FAM13C: variants seen among roughly 807,000 people sequenced by gnomAD.
FAM13C encodes protein FAM13C.
Under a neutral mutation model 73.2 loss-of-function variants are expected in FAM13C, and 37 were observed. That is an observed-to-expected ratio of 0.51 (90% CI 0.39 to 0.67). The LOEUF (loss-of-function observed/expected upper bound fraction) is 0.67. Among genes scored for constraint, FAM13C ranks in the 30% least tolerant of loss-of-function variants. The pLI is 0.00. For missense variants in FAM13C, 589 were observed against 715.6 expected (o/e 0.82, Z 2.02); for synonymous variants, 246 against 260.9 (o/e 0.94, Z 0.55).
chr10:59,288,325 C>G (rs1828868264), intron 5 of FAM13C, among the ~76,000 whole-genome samples: 1 of 152,138 alleles, frequency 6.6e-6, no homozygotes, highest in African/African-American at 2.4e-5. Context: ...AACCCCTTCT[C>G]TACTAAAAAT....
chr10:59,248,933 C>T (rs1229308644), intron 13 of FAM13C, among the ~76,000 whole-genome samples: 1 of 152,158 alleles, frequency 6.6e-6, no homozygotes, highest in Non-Finnish European at 1.5e-5. Flanking sequence ...AATTATATAA[C>T]ATATATCTTT....
chr10:59,259,707 A>G (rs1465436999), intron 10 of FAM13C, among the ~76,000 whole-genome samples: 1 of 152,210 alleles, frequency 6.6e-6, no homozygotes, highest in African/African-American at 2.4e-5. Context: ...TATTAAACAA[A>G]ATAATAGATA....
At chr10:59,275,519 A>G (rs1844227536) in intron 6 of FAM13C, among the ~76,000 whole-genome samples, 1 of 152,226 alleles carries the variant, frequency 6.6e-6, no homozygotes, top group South Asian at 2.1e-4. Context: ...GGTATTTTTA[A>G]AGTGACTAAA....
chr10:59,246,854 C>T lies in FAM13C; in HGVS notation c.*760G>A. ...TATGGACACATTAGATTATATACTA[C>T]AGACACATATCTATCCAAAATACCT... On this transcript the variant is annotated 3_prime_UTR_variant, in exon 14 of 14. Coordinates refer to ENST00000618804, the MANE Select transcript of FAM13C (RefSeq NM_198215.4). 6 of 379,762 alleles carry T rather than the reference C, an allele frequency of 1.6e-5. No homozygotes were observed. Among genetic ancestry groups the T allele is most frequent in the African/African-American group, 6.2e-5 (3 of 48,312 alleles). The allele number at this position is 379,762 out of a possible 1,614,324, so 23.5% of individuals were successfully genotyped here. A position where few individuals can be genotyped will look rare whatever the true frequency, so the allele number is the denominator to read the frequency against.
chr10:59,305,441 G>A (rs1331766258), intron 4 of FAM13C, among the ~76,000 whole-genome samples: 1 of 152,132 alleles, frequency 6.6e-6, no homozygotes, highest in Non-Finnish European at 1.5e-5. Context: ...AGATTTGTCA[G>A]TGTTAACATT....
intron 5 of FAM13C, among the ~76,000 whole-genome samples, chr10:59,302,408 A>G (rs1847711497): frequency 6.6e-6 from 1 of 152,234 alleles, no homozygotes; most frequent in South Asian, 2.1e-4. Context: ...GTGGATAAAC[A>G]GTAAGTATGA....
intron 13 of FAM13C, among the ~76,000 whole-genome samples, chr10:59,248,851 C>T (rs1372339371): frequency 2.0e-5 from 3 of 152,014 alleles, no homozygotes; most frequent in Admixed American, 2.0e-4. Flanking sequence ...TATTTATTGC[C>T]CTGCAATTTC....
chr10:59,317,893 C>G (rs556869243), intron 4 of FAM13C, among the ~76,000 whole-genome samples: 55 of 152,106 alleles, frequency 3.6e-4, no homozygotes, highest in Non-Finnish European at 7.1e-4. Context: ...ATCCCTCCCC[C>G]CTTCCCCCAC....
intron 3 of FAM13C, among the ~76,000 whole-genome samples, chr10:59,332,581 A>T (rs372377135): frequency 2.0e-5 from 3 of 152,366 alleles, no homozygotes; most frequent in African/African-American, 7.2e-5. Flanking sequence ...TAAAAGAAAC[A>T]TTAAATATTA....
chr10:59,305,102 A>C (rs1348682968), intron 4 of FAM13C, among the ~76,000 whole-genome samples: 1 of 152,208 alleles, frequency 6.6e-6, no homozygotes, highest in East Asian at 1.9e-4. Flanking sequence ...ATGAAGCCTC[A>C]GGTATTCTGC....
chr10:59,360,499 T>A (rs1202587519), intron 1 of FAM13C, among the ~76,000 whole-genome samples: 1 of 152,104 alleles, frequency 6.6e-6, no homozygotes, highest in Non-Finnish European at 1.5e-5. Context: ...TATGTCTGTG[T>A]CTCAGGATAT....
chr10:59,348,010 T>C (rs1478949574), intron 3 of FAM13C, among the ~76,000 whole-genome samples: 1 of 152,142 alleles, frequency 6.6e-6, no homozygotes, highest in Non-Finnish European at 1.5e-5. Context: ...GTCTTTACAG[T>C]AGGATTATTT....
chr10:59,271,336 G>A (rs1011685267), intron 6 of FAM13C, among the ~76,000 whole-genome samples: 1 of 152,238 alleles, frequency 6.6e-6, no homozygotes, highest in East Asian at 1.9e-4. Context: ...TCTAGAGCTT[G>A]AAATGCAATC....
chr10:59,266,049 A>G (rs904604402), intron 8 of FAM13C, among the ~76,000 whole-genome samples: 1 of 152,212 alleles, frequency 6.6e-6, no homozygotes, highest in African/African-American at 2.4e-5. Context: ...CACATTAGAA[A>G]AATTACTGGG....
intron 3 of FAM13C, among the ~76,000 whole-genome samples, chr10:59,348,535 T>C (rs976577835): frequency 1.3e-5 from 2 of 152,232 alleles, no homozygotes; most frequent in East Asian, 3.8e-4. Context: ...TATCCACAGT[T>C]ATTTCTCTCA....
intron 2 of FAM13C, among the ~76,000 whole-genome samples, chr10:59,355,222 G>T (rs1855557565): frequency 6.6e-6 from 1 of 152,006 alleles, no homozygotes; most frequent in African/African-American, 2.4e-5. Context: ...GCATTGGTTT[G>T]TCTTTCTTCA....
At chr10:59,325,523 G>A (rs555994052) in intron 3 of FAM13C, among the ~76,000 whole-genome samples, 5 of 152,246 alleles carry the variant, frequency 3.3e-5, no homozygotes, top group East Asian at 3.9e-4. Flanking sequence ...CCTAGACTTC[G>A]TAGTTGCTTG....
rs1849414713 is a variant in FAM13C at position 59,315,445 on chromosome 10, GGTT to G, written c.443+8540_443+8542del. Among the ~76,000 whole-genome samples the G allele has an allele frequency of 4.0e-5, 6 of 148,286 alleles. No individual in the cohort carries two copies. The South Asian group carries it at 8.6e-4, about 21-fold the overall frequency. ...AGGTATCTATCATGAAATTTAGTGG[GGTT>G]TTTTTTGTTTTTGTGTTTTTACAGG... is the stretch of plus-strand genomic sequence containing the variant. On this transcript the variant is annotated intron_variant, in intron 4 of 13. Transcript: ENST00000618804.
chr10:59,256,839 A>G (rs995342018), intron 10 of FAM13C, among the ~76,000 whole-genome samples: 2 of 152,196 alleles, frequency 1.3e-5, no homozygotes, highest in African/African-American at 4.8e-5. Context: ...GTTATTCTTC[A>G]GCTACTGTCT....
Sources: allele counts gnomAD v4.1 joint callset (sites outside exome capture counted in the v4.1 genomes callset), GRCh38; gene constraint gnomAD v4.1.1; transcripts MANE v1.5; gene names NCBI Gene and HGNC (gene_info 2026-07-23, HGNC 2026-07-21).